HYAL4: variants seen among roughly 807,000 people sequenced by gnomAD.
HYAL4 encodes the protein hyaluronidase 4.
Under a neutral mutation model 35.2 loss-of-function variants are expected in HYAL4, and 37 were observed. That is an observed-to-expected ratio of 1.05 (90% CI 0.81 to 1.38). The LOEUF is 1.38. HYAL4 is among the 40% of genes most tolerant of loss of function. HYAL4 has a pLI of 0.00. For synonymous variants in HYAL4, 198 were observed against 203.2 expected (o/e 0.97, Z 0.22); for missense variants, 572 against 572.4 (o/e 1.00, Z 0.01).
chr7:123,875,690 T>C (rs994908874), intron 4 of HYAL4, among the ~76,000 whole-genome samples: 2 of 151,192 alleles, frequency 1.3e-5, no homozygotes, highest in Non-Finnish European at 2.9e-5. Flanking sequence ...AAAAGATTTA[T>C]ATGGCTCTTC....
intron 2 of HYAL4, among the ~76,000 whole-genome samples, chr7:123,861,081 T>G (rs1425406392): frequency 6.6e-6 from 1 of 152,146 alleles, no homozygotes; most frequent in Non-Finnish European, 1.5e-5. Context: ...ACTCTTGTAC[T>G]CTTAACATTG....
the HYAL4 span, among the ~76,000 whole-genome samples, chr7:123,816,805 T>C: frequency 6.6e-6 from 1 of 152,202 alleles, no homozygotes; most frequent in Admixed American, 6.5e-5. Context: ...AAAAACAGTA[T>C]GGGTTTTTCT....
rs1807052169 is a variant in HYAL4, at chr7:123,877,180, T to C, written c.*25T>C. 6.3e-7 allele frequency: 1 copy of C among 1,598,744 alleles called. No homozygotes were observed. The highest frequency in any genetic ancestry group is 1.3e-5 in the African/African-American group (1 of 74,288). ...AGATAATTGAGTTTAAAGGGAATTGTGTGGCCTCTAGCCTAGTCATTTAAA... is the reference window on the plus strand; with the variant it reads ...AGATAATTGAGTTTAAAGGGAATTGCGTGGCCTCTAGCCTAGTCATTTAAA... On this transcript the variant is annotated 3_prime_UTR_variant, in exon 5 of 5. Transcript: ENST00000223026.
chr7:123,846,648 G>C (rs1015826867), intron 1 of HYAL4, among the ~76,000 whole-genome samples: 1 of 151,954 alleles, frequency 6.6e-6, no homozygotes, highest in Middle Eastern at 3.2e-3. Flanking sequence ...ACCCTCCCCT[G>C]AGGTCTGGAC....
the HYAL4 span, among the ~76,000 whole-genome samples, chr7:123,805,186 CTTTT>C: frequency 6.6e-6 from 1 of 152,216 alleles, no homozygotes; most frequent in East Asian, 1.9e-4. Flanking sequence ...TTTGAATCTT[CTTTT>C]GTCTTCTCTT....
chr7:123,856,497 C>A (rs1375437475), intron 2 of HYAL4, among the ~76,000 whole-genome samples: 1 of 152,116 alleles, frequency 6.6e-6, no homozygotes, highest in Non-Finnish European at 1.5e-5. Context: ...CACTCCAGAC[C>A]CTGTTTGCCT....
At chr7:123,808,418 C>CGTGTGT in the HYAL4 span, among the ~76,000 whole-genome samples, 1,012 of 142,674 alleles carry the variant, frequency 7.1e-3, 8 homozygotes, top group African/African-American at 0.016. Flanking sequence ...TGTATCATCA[C>CGTGTGT]GTGTGTGTGT....
At chr7:123,811,688 G>A in the HYAL4 span, among the ~76,000 whole-genome samples, 2 of 152,018 alleles carry the variant, frequency 1.3e-5, no homozygotes, top group African/African-American at 4.8e-5. Context: ...ATGAAATCCA[G>A]TTTGTCAACT....
upstream of HYAL4, chr7:123,844,454 G>T (rs1806133740): frequency 6.6e-6 from 1 of 152,312 alleles, no homozygotes; most frequent in Non-Finnish European, 1.5e-5. Context: ...CACCTCTACT[G>T]GGAGGTGTCT....
At chr7:123,838,146 G>A (rs531460582) in intron 1 of HYAL4, among the ~76,000 whole-genome samples, 1 of 151,840 alleles carries the variant, frequency 6.6e-6, no homozygotes, top group South Asian at 2.1e-4. Flanking sequence ...CAGTGTAAAA[G>A]CATTCCTATT....
At position 123,839,763 on chromosome 7, in the gene HYAL4, G is replaced by A. The variant is rs547350204; in HGVS notation, c.-256-4482G>A. On this transcript the variant is annotated intron_variant, in intron 1 of 4. Transcript: ENST00000489978. ...ATGATGAGAACTTTTTCATGTGTCT[G>A]ATGGCTGCATAGATATCTTCTTTTG... Among the ~76,000 whole-genome samples the A allele has an allele frequency of 2.8e-3, 432 of 152,250 alleles. 2 individuals are homozygous for A. In the Middle Eastern group the frequency reaches 0.051, roughly 18 times the overall value.
the HYAL4 span, among the ~76,000 whole-genome samples, chr7:123,783,180 C>G: frequency 6.6e-6 from 1 of 152,056 alleles, no homozygotes; most frequent in African/African-American, 2.4e-5. Flanking sequence ...AATATTCATC[C>G]CATGCGTCCT....
chr7:123,813,241 C>T, the HYAL4 span, among the ~76,000 whole-genome samples: 9 of 152,060 alleles, frequency 5.9e-5, no homozygotes, highest in Middle Eastern at 3.4e-3. Flanking sequence ...AAAATCCATA[C>T]GATAAGATAA....
At chr7:123,823,518 A>G in the HYAL4 span, among the ~76,000 whole-genome samples, 6 of 152,044 alleles carry the variant, frequency 3.9e-5, no homozygotes, top group South Asian at 1.0e-3. Flanking sequence ...AGAGTTAGAG[A>G]GAGATTAGCA....
At chr7:123,824,218 A>T (rs753634778), upstream of HYAL4, among the ~76,000 whole-genome samples, 27 of 152,172 alleles carry the variant, frequency 1.8e-4, no homozygotes, top group Non-Finnish European at 3.2e-4. Context: ...TTTTATGAGA[A>T]TTACACTATT....
chr7:123,851,611 A>G (rs1049082629), intron 2 of HYAL4, among the ~76,000 whole-genome samples: 3 of 152,124 alleles, frequency 2.0e-5, no homozygotes, highest in Admixed American at 6.5e-5. Context: ...CATGGTGTAT[A>G]TGTGCCACAT....
At chr7:123,803,497 T>G in the HYAL4 span, among the ~76,000 whole-genome samples, 3 of 152,218 alleles carry the variant, frequency 2.0e-5, no homozygotes. Flanking sequence ...CTTAAATGTT[T>G]GTGTTCCTTA....
At chr7:123,867,022 C>T (rs1584924715) in intron 2 of HYAL4, among the ~76,000 whole-genome samples, 1 of 152,162 alleles carries the variant, frequency 6.6e-6, no homozygotes, top group African/African-American at 2.4e-5. Context: ...ATCTCTTGAC[C>T]TTGTGACCAT....
chr7:123,849,372 C>T (rs1164123718), intron 2 of HYAL4, among the ~76,000 whole-genome samples: 1 of 151,928 alleles, frequency 6.6e-6, no homozygotes, highest in Admixed American at 6.6e-5. Flanking sequence ...GCGATCTTGG[C>T]TCACTGCAAC....
Sources: gnomAD v4.1 joint callset for allele counts (sites outside exome capture counted in the v4.1 genomes callset) on GRCh38, gnomAD v4.1.1 for gene constraint, MANE v1.5 for transcripts, NCBI Gene and HGNC (gene_info 2026-07-23, HGNC 2026-07-21) for gene names.